The following TMEM184B variants were observed in gnomAD, a reference collection of about 807,000 sequenced individuals.
TMEM184B encodes transmembrane protein 184B.
A neutral mutation model predicts 41.8 loss-of-function variants in TMEM184B; 17 were observed. The ratio of observed to expected loss-of-function variants is 0.41; its 90% CI spans 0.28 to 0.61. The LOEUF (loss-of-function observed/expected upper bound fraction) is 0.61. TMEM184B is among the 20% of genes least tolerant of loss of function. The pLI, the probability that TMEM184B is intolerant of heterozygous loss-of-function variation, is 0.34. For missense variants in TMEM184B, 393 were observed against 557.8 expected (o/e 0.70, Z 2.98); for synonymous variants, 240 against 229.5 (o/e 1.05, Z -0.41).
chr22:38,251,686 G>T (rs542327168), intron 1 of TMEM184B, among the ~76,000 whole-genome samples: 5 of 152,210 alleles, frequency 3.3e-5, no homozygotes, highest in Non-Finnish European at 7.3e-5. Context: ...TGCCTGCCCA[G>T]GTCCCACAGG....
chr22:38,221,982 G>A, intron 8 of TMEM184B: 2 of 521,516 alleles, frequency 3.8e-6, no homozygotes, highest in South Asian at 4.3e-5. Context: ...GCAGGGAAGG[G>A]ACCCAGGGTG....
chr22:38,247,312 A>G (rs1463430426), intron 2 of TMEM184B, among the ~76,000 whole-genome samples: 5 of 152,226 alleles, frequency 3.3e-5, no homozygotes, highest in Non-Finnish European at 5.9e-5. Context: ...CAGAGTGACG[A>G]GTGTCACCTC....
chr22:38,265,024 G>A (rs951392667), intron 1 of TMEM184B, among the ~76,000 whole-genome samples: 26 of 151,896 alleles, frequency 1.7e-4, no homozygotes, highest in African/African-American at 6.3e-4. Flanking sequence ...GTACTGTTTT[G>A]GAAAATCTAG....
At chr22:38,238,608 G>C (rs1028654372) in intron 3 of TMEM184B, among the ~76,000 whole-genome samples, 1 of 152,238 alleles carries the variant, frequency 6.6e-6, no homozygotes, top group African/African-American at 2.4e-5. Context: ...CTGGCCTCTG[G>C]CTCTTGTGTG....
At position 38,238,130 on chromosome 22, in the gene TMEM184B, A is replaced by G. The variant is rs536412905; in HGVS notation, c.359-6796T>C. The stretch of plus-strand genomic sequence containing the variant: ...GCGGCTTTTTTATCCTCTGCTGATC[A>G]TGCTTATTCCTGCTTCTTTCTGCCC... On this transcript the variant is annotated intron_variant, in intron 3 of 8. Coordinates refer to ENST00000361906, the MANE Select transcript of TMEM184B (RefSeq NM_012264.5). Among the ~76,000 whole-genome samples the G allele has an allele frequency of 7.3e-5, 11 of 150,622 alleles. No homozygotes were observed. The South Asian group carries it at 8.4e-4, about 12-fold the overall frequency.
At chr22:38,271,195 A>G (rs2092517160) in intron 1 of TMEM184B, among the ~76,000 whole-genome samples, 1 of 152,188 alleles carries the variant, frequency 6.6e-6, no homozygotes, top group Admixed American at 6.5e-5. Flanking sequence ...ATCAGTGTCC[A>G]TCTTCCCAGC....
At chr22:38,263,262 G>A (rs1264057808) in intron 1 of TMEM184B, among the ~76,000 whole-genome samples, 1 of 152,134 alleles carries the variant, frequency 6.6e-6, no homozygotes, top group African/African-American at 2.4e-5. Context: ...AGGTACATGG[G>A]ATCTCCAGCA....
chr22:38,264,782 G>A (rs567150829), intron 1 of TMEM184B, among the ~76,000 whole-genome samples: 52 of 152,270 alleles, frequency 3.4e-4, no homozygotes, highest in Middle Eastern at 3.4e-3. Context: ...GGAAAAGAAG[G>A]AAAAGTCTTC....
At chr22:38,252,109 G>C (rs1036152288) in intron 1 of TMEM184B, among the ~76,000 whole-genome samples, 2 of 151,100 alleles carry the variant, frequency 1.3e-5, no homozygotes, top group African/African-American at 4.9e-5. Context: ...GCCCAGACTG[G>C]AGTGCAGTAG....
At chr22:38,223,080 C>T (rs983854029) in intron 8 of TMEM184B, 8 of 152,538 alleles carry the variant, frequency 5.2e-5, no homozygotes, top group Admixed American at 3.9e-4. Context: ...GGAGGGGTTA[C>T]AATCGCACAG....
At chr22:38,271,400 C>G (rs1253713738) in intron 1 of TMEM184B, among the ~76,000 whole-genome samples, 1 of 152,332 alleles carries the variant, frequency 6.6e-6, no homozygotes, top group East Asian at 1.9e-4. Context: ...TGAATTCCCT[C>G]TGGGCCTCAG....
chr22:38,258,319 T>C (rs75764842), intron 1 of TMEM184B, among the ~76,000 whole-genome samples: 1 of 150,824 alleles, frequency 6.6e-6, no homozygotes, highest in African/African-American at 2.4e-5. Context: ...TTTTTTTTTT[T>C]AGACTAAGTC....
intron 5 of TMEM184B, among the ~76,000 whole-genome samples, chr22:38,229,248 A>G (rs1051877091): frequency 6.6e-6 from 1 of 152,246 alleles, no homozygotes; most frequent in African/African-American, 2.4e-5. Context: ...CAGAGCCCCT[A>G]CGGAGCCCCA....
chr22:38,245,830 G>A (rs1222703206), intron 3 of TMEM184B, 105 bp downstream of exon 3: 1 of 1,185,582 alleles, frequency 8.4e-7, no homozygotes, highest in African/African-American at 1.5e-5. Flanking sequence ...AGCAAGGGGT[G>A]TGTCAAGACA....
chr22:38,219,071 C>A (rs557502464), downstream of TMEM184B, among the ~76,000 whole-genome samples: 4 of 152,344 alleles, frequency 2.6e-5, no homozygotes, highest in East Asian at 7.7e-4. Flanking sequence ...TGCGGCCCGG[C>A]CGTCCTGGGT....
chr22:38,229,515 C>A (rs541596319), intron 5 of TMEM184B, among the ~76,000 whole-genome samples: 2 of 152,352 alleles, frequency 1.3e-5, no homozygotes, highest in Non-Finnish European at 1.5e-5. Flanking sequence ...CTCAGATGGT[C>A]AGACACCCAG....
chr22:38,247,195 T>C (rs138834333), intron 2 of TMEM184B, among the ~76,000 whole-genome samples: 1 of 152,312 alleles, frequency 6.6e-6, no homozygotes, highest in African/African-American at 2.4e-5. Context: ...TCTCAGGCTC[T>C]CCATTTTCTC....
chr22:38,224,671 A>G, intron 8 of TMEM184B, 114 bp downstream of exon 8: 1 of 1,064,180 alleles, frequency 9.4e-7, no homozygotes, highest in South Asian at 1.9e-5. Flanking sequence ...TAGAGTGGGG[A>G]TCCCATGTCC....
chr22:38,224,518 C>T (rs2091368373), intron 8 of TMEM184B, among the ~76,000 whole-genome samples: 1 of 152,216 alleles, frequency 6.6e-6, no homozygotes, highest in Non-Finnish European at 1.5e-5. Context: ...TTTGTCTATT[C>T]ATTACAGTCT....
Sources: gnomAD v4.1 joint callset for allele counts (sites outside exome capture counted in the v4.1 genomes callset) on GRCh38, gnomAD v4.1.1 for gene constraint, MANE v1.5 for transcripts, NCBI Gene and HGNC (gene_info 2026-07-23, HGNC 2026-07-21) for gene names.